IL1RAP: variants seen among roughly 807,000 people sequenced by gnomAD.
IL1RAP encodes interleukin-1 receptor accessory protein.
IL1RAP carries 35 observed loss-of-function variants against 60.7 expected under a neutral mutation model. The ratio of observed to expected loss-of-function variants is 0.58; its 90% confidence interval spans 0.44 to 0.76. IL1RAP has a LOEUF of 0.76. IL1RAP is among the 30% of genes least tolerant of loss of function. IL1RAP has a pLI of 0.00. For synonymous variants in IL1RAP, 268 were observed against 250.9 expected (o/e 1.07, Z -0.64); for missense variants, 572 against 693.9 (o/e 0.82, Z 1.97).
chr3:190,626,220 T>A (rs1577766025), intron 7 of IL1RAP, among the ~76,000 whole-genome samples: 1 of 152,210 alleles, frequency 6.6e-6, no homozygotes, highest in Non-Finnish European at 1.5e-5. Flanking sequence ...TTTAGCATCC[T>A]TAAGCTTCAC....
intron 4 of IL1RAP, among the ~76,000 whole-genome samples, chr3:190,604,899 T>C (rs1433538046): frequency 6.6e-6 from 1 of 152,158 alleles, no homozygotes; most frequent in East Asian, 1.9e-4. Flanking sequence ...ATTTTACTTT[T>C]TGAGTGTGGC....
chr3:190,599,189 C>A (rs1560201481), intron 3 of IL1RAP, among the ~76,000 whole-genome samples: 2 of 152,054 alleles, frequency 1.3e-5, no homozygotes, highest in Non-Finnish European at 2.9e-5. Flanking sequence ...CTGAGGATCC[C>A]TTTCCTCTCT....
intron 1 of IL1RAP, among the ~76,000 whole-genome samples, chr3:190,551,844 C>T (rs1724893183): frequency 6.6e-6 from 1 of 152,122 alleles, no homozygotes; most frequent in Admixed American, 6.6e-5. Flanking sequence ...GTTTGGTTAT[C>T]TCTGTGGTTT....
chr3:190,648,694 A>T lies in IL1RAP; in HGVS notation c.1702A>T (p.Lys568Ter). The change falls in exon 12 of 12, where the codon AAA becomes TAA. Residue 568 changes from lysine to a stop codon, truncating the protein, a stop_gained. Coordinates refer to ENST00000447382, the MANE Select transcript of IL1RAP (RefSeq NM_002182.4). LOFTEE classifies it high-confidence loss of function. ...GCAGGGCCTCTCGTATTCATCTTTGAAAAATGTATGAAAGGAATAATGAAA... is the reference window on the plus strand; with the variant it reads ...GCAGGGCCTCTCGTATTCATCTTTGTAAAATGTATGAAAGGAATAATGAAA... ...DEQGLSYSSLKNV is the reference protein window; with the variant it reads ...DEQGLSYSSL 1 of 1,609,178 alleles carries T rather than the reference A, an allele frequency of 6.2e-7. No homozygotes were observed. Among genetic ancestry groups the T allele is most frequent in the South Asian group, 1.1e-5 (1 of 90,414 alleles).
intron 1 of IL1RAP, among the ~76,000 whole-genome samples, chr3:190,523,726 C>T (rs896313293): frequency 6.6e-6 from 1 of 152,106 alleles, no homozygotes; most frequent in African/African-American, 2.4e-5. Context: ...GCATAGTATT[C>T]CACGGTGTAT....
intron 3 of IL1RAP, among the ~76,000 whole-genome samples, chr3:190,570,920 G>C (rs548116482): frequency 1.3e-5 from 2 of 152,180 alleles, no homozygotes; most frequent in East Asian, 1.9e-4. Context: ...CCAAGATACT[G>C]GTGTTTGCGT....
At chr3:190,626,676 T>A (rs545726404) in intron 7 of IL1RAP, among the ~76,000 whole-genome samples, 1 of 145,966 alleles carries the variant, frequency 6.9e-6, no homozygotes, top group East Asian at 2.0e-4. Flanking sequence ...TTTTTTTTTT[T>A]TTTTTTTTTT....
intron 3 of IL1RAP, among the ~76,000 whole-genome samples, chr3:190,566,013 T>C (rs1726359769): frequency 1.3e-5 from 2 of 151,866 alleles, no homozygotes; most frequent in South Asian, 4.2e-4. Flanking sequence ...TTTTCCTTCC[T>C]TTTTTTCTTC....
intron 3 of IL1RAP, among the ~76,000 whole-genome samples, chr3:190,598,311 G>C (rs1410948049): frequency 6.6e-6 from 1 of 151,906 alleles, no homozygotes; most frequent in African/African-American, 2.4e-5. Flanking sequence ...CTATCCAACT[G>C]TTTTCTTCCT....
chr3:190,545,158 G>C (rs768998853), intron 1 of IL1RAP, among the ~76,000 whole-genome samples: 3 of 152,048 alleles, frequency 2.0e-5, no homozygotes, highest in African/African-American at 7.2e-5. Context: ...ATTATTTTCC[G>C]GAATCTGAAG....
At chr3:190,558,062 T>A (rs1364843339) in intron 2 of IL1RAP, among the ~76,000 whole-genome samples, 1 of 152,204 alleles carries the variant, frequency 6.6e-6, no homozygotes, top group African/African-American at 2.4e-5. Context: ...GTTTATTTAA[T>A]TCAGCACAAT....
chr3:190,544,208 T>C (rs1362627330), intron 1 of IL1RAP, among the ~76,000 whole-genome samples: 3 of 152,192 alleles, frequency 2.0e-5, no homozygotes, highest in Non-Finnish European at 4.4e-5. Flanking sequence ...GCTTACTCCT[T>C]TTATCATTGG....
intron 3 of IL1RAP, among the ~76,000 whole-genome samples, chr3:190,595,199 A>C (rs947719487): frequency 2.6e-5 from 4 of 152,198 alleles, no homozygotes; most frequent in African/African-American, 9.6e-5. Flanking sequence ...AGTGCATCCC[A>C]AGCACCCATT....
chr3:190,546,980 G>A (rs557398080), intron 1 of IL1RAP, among the ~76,000 whole-genome samples: 10 of 152,264 alleles, frequency 6.6e-5, no homozygotes, highest in East Asian at 1.9e-4. Flanking sequence ...TTTAGTATAC[G>A]TTCTGCATTC....
intron 3 of IL1RAP, among the ~76,000 whole-genome samples, chr3:190,580,359 G>A (rs1727886207): frequency 6.6e-6 from 1 of 152,092 alleles, no homozygotes; most frequent in South Asian, 2.1e-4. Flanking sequence ...CAAGAAGTGG[G>A]ACTGCTGGAT....
intron 2 of IL1RAP, among the ~76,000 whole-genome samples, chr3:190,559,782 A>G (rs2108615170): frequency 6.6e-6 from 1 of 152,312 alleles, no homozygotes; most frequent in South Asian, 2.1e-4. Context: ...GATTTATGAT[A>G]CATGATACGG....
At chr3:190,514,805 C>T (rs1031637128) in intron 1 of IL1RAP, among the ~76,000 whole-genome samples, 1 of 152,174 alleles carries the variant, frequency 6.6e-6, no homozygotes, top group Non-Finnish European at 1.5e-5. Flanking sequence ...GCGCCAGTGA[C>T]CTCCTATGGT....
At position 190,598,322 on chromosome 3, in the gene IL1RAP, C is replaced by CT. The variant is rs952767270; in HGVS notation, c.65-5797dup. Among the ~76,000 whole-genome samples the CT allele has an allele frequency of 5.8e-4, 88 of 151,404 alleles. 1 individual carries two copies. The highest frequency in any genetic ancestry group is 2.0e-3 in the African/African-American group (81 of 41,334). On this transcript the variant is annotated intron_variant, in intron 3 of 11. Coordinates refer to ENST00000447382, the MANE Select transcript of IL1RAP (RefSeq NM_002182.4). The stretch of plus-strand genomic sequence containing the variant: ...TTTGCTATCCAACTGTTTTCTTCCT[C>CT]TTTTTTTTTCTATATACTTTATCAT...
chr3:190,650,456 A>C lies in IL1RAP; in HGVS notation c.*1751A>C. 1 of 983,554 alleles carries C rather than the reference A, an allele frequency of 1.0e-6. No individual in the cohort carries two copies. The highest frequency in any genetic ancestry group is 1.2e-6 in the Non-Finnish European group (1 of 828,236). The allele number at this position is 983,554 out of a possible 1,614,324, so 60.9% of individuals were successfully genotyped here. A position where few individuals can be genotyped will look rare whatever the true frequency, so the allele number is the denominator to read the frequency against. ...GTTAACCTCAGTGCTCAACTATTTG[A>C]ACTGTTGAGTGATAAAGGAAACAAA... On this transcript the variant is annotated 3_prime_UTR_variant, in exon 12 of 12. Transcript: ENST00000447382.
Sources: gnomAD v4.1 joint callset for allele counts (sites outside exome capture counted in the v4.1 genomes callset) on GRCh38, gnomAD v4.1.1 for gene constraint, MANE v1.5 for transcripts, NCBI Gene and HGNC (gene_info 2026-07-23, HGNC 2026-07-21) for gene names.